ASB3: variants seen among roughly 807,000 people sequenced by gnomAD.
ASB3 encodes ankyrin repeat and SOCS box containing 3.
In ASB3, 41 loss-of-function variants were observed where a neutral mutation model predicts 54.5. The ratio of observed to expected loss-of-function variants is 0.75; its 90% CI spans 0.59 to 0.98. ASB3 has a LOEUF of 0.98. Ranked by LOEUF, ASB3 falls within the 50% of genes least tolerant of loss-of-function variation. The pLI, the probability that ASB3 is intolerant of heterozygous loss-of-function variation, is 0.00. For missense variants in ASB3, 733 were observed against 620.0 expected (o/e 1.18, Z -1.94); for synonymous variants, 266 against 221.2 (o/e 1.20, Z -1.80).
chr2:53,761,518 C>A (rs926431965), intron 2 of ASB3, among the ~76,000 whole-genome samples: 6 of 152,168 alleles, frequency 3.9e-5, no homozygotes, highest in African/African-American at 1.2e-4. Context: ...GATCCTCAGG[C>A]CTTCAAACTC....
At position 53,693,974 on chromosome 2, in the gene ASB3, C is replaced by G. The variant is rs756244744; in HGVS notation, c.1279G>C (p.Glu427Gln). 1.9e-6 allele frequency: 3 copies of G among 1,613,490 alleles called. No individual in the cohort carries two copies. The South Asian group carries it at 3.3e-5, about 18-fold the overall frequency. Residue 427 changes from glutamate (E) to glutamine (Q), a missense_variant, in exon 9 of 10, where the codon GAG (glutamate) becomes CAG (glutamine). By Grantham distance (29) the Glu-to-Gln change is conservative. Transcript: ENST00000263634. ...GCAAGTGTCTTCCAATTAGTAAACT[C>G]CAAAGTGAAGATAAGGGTGTCAATG... The part of the protein sequence containing the change: ...VSIDTLIFTL[E>Q]FTNWKTLAPA...
At chr2:53,702,065 T>A (rs1430348251) in intron 7 of ASB3, among the ~76,000 whole-genome samples, 1 of 152,200 alleles carries the variant, frequency 6.6e-6, no homozygotes, top group Non-Finnish European at 1.5e-5. Flanking sequence ...ATATAATATC[T>A]ATTAACAATC....
chr2:53,740,158 T>C (rs1317641168), intron 3 of ASB3, among the ~76,000 whole-genome samples: 1 of 152,250 alleles, frequency 6.6e-6, no homozygotes, highest in Non-Finnish European at 1.5e-5. Flanking sequence ...GAATTTTTAA[T>C]GGTATCTCTA....
intron 5 of ASB3, among the ~76,000 whole-genome samples, chr2:53,717,173 C>T (rs1211648949): frequency 6.6e-6 from 1 of 152,188 alleles, no homozygotes; most frequent in Non-Finnish European, 1.5e-5. Context: ...ATTCCAATCC[C>T]TCCTCCAACA....
chr2:53,768,726 G>A (rs1252131499), intron 1 of ASB3, among the ~76,000 whole-genome samples: 1 of 152,176 alleles, frequency 6.6e-6, no homozygotes, highest in Non-Finnish European at 1.5e-5. Flanking sequence ...AATATGAAAT[G>A]TAAGTTCATT....
chr2:53,687,394 A>G (rs946678227), intron 9 of ASB3, among the ~76,000 whole-genome samples: 13 of 152,350 alleles, frequency 8.5e-5, no homozygotes, highest in African/African-American at 3.1e-4. Flanking sequence ...TGGGAGGTTG[A>G]AAGTTTCCAG....
Position 53,727,752 on chromosome 2 carries a change from G to C in ASB3, c.604+960C>G, listed in dbSNP as rs186253614. 2.4e-3 allele frequency among the ~76,000 whole-genome samples: 361 copies of C among 152,240 alleles called. 6 individuals are homozygous for C. Among genetic ancestry groups the C allele is most frequent in the Non-Finnish European group, 5.1e-4 (35 of 68,016 alleles). ...CTTTCTTTCTTTTTTTGGAGACAGA[G>C]TCTCCCTCTGTTGCCCAGGCTGGAG... On this transcript the variant is annotated intron_variant, in intron 5 of 9. Coordinates refer to ENST00000263634, the MANE Select transcript of ASB3 (RefSeq NM_016115.5).
intron 8 of ASB3, among the ~76,000 whole-genome samples, chr2:53,696,884 G>C (rs968535400): frequency 1.3e-5 from 2 of 152,142 alleles, no homozygotes; most frequent in African/African-American, 4.8e-5. Context: ...TAAGGGACTT[G>C]AGCATCCATG....
chr2:53,755,607 G>A (rs1672770058), intron 2 of ASB3, among the ~76,000 whole-genome samples: 1 of 152,072 alleles, frequency 6.6e-6, no homozygotes, highest in Non-Finnish European at 1.5e-5. Context: ...TTTTATTTAG[G>A]TATTATAAGA....
intron 3 of ASB3, among the ~76,000 whole-genome samples, chr2:53,735,094 A>C (rs1671547061): frequency 6.6e-6 from 1 of 151,680 alleles, no homozygotes; most frequent in South Asian, 2.1e-4. Flanking sequence ...TAATTTTTGT[A>C]CTTTTAGTAG....
At chr2:53,751,082 T>G (rs1558559195) in intron 2 of ASB3, 141 bp from the exon 3 acceptor site, 2 of 1,081,814 alleles carry the variant, frequency 1.8e-6, no homozygotes, top group Non-Finnish European at 2.4e-6. Context: ...TTTAAAACTA[T>G]AGAAAATCAA....
intron 1 of ASB3, among the ~76,000 whole-genome samples, chr2:53,777,793 C>T (rs184663174): frequency 6.6e-6 from 1 of 152,074 alleles, no homozygotes; most frequent in Non-Finnish European, 1.5e-5. Context: ...TGTGTTTGTG[C>T]CTTTTTATTA....
intron 3 of ASB3, among the ~76,000 whole-genome samples, chr2:53,731,602 G>A (rs1671319101): frequency 6.6e-6 from 1 of 152,036 alleles, no homozygotes; most frequent in Non-Finnish European, 1.5e-5. Flanking sequence ...TCTAATTTGG[G>A]GTGGCTCTCA....
chr2:53,689,054 T>C (rs1418553703), intron 9 of ASB3, among the ~76,000 whole-genome samples: 1 of 152,208 alleles, frequency 6.6e-6, no homozygotes, highest in Non-Finnish European at 1.5e-5. Context: ...CAGTAAATTT[T>C]AAATATGTCA....
intron 1 of ASB3, among the ~76,000 whole-genome samples, chr2:53,770,909 T>C (rs1673857265): frequency 6.6e-6 from 1 of 152,158 alleles, no homozygotes; most frequent in Non-Finnish European, 1.5e-5. Context: ...ACCATTACCA[T>C]ATACAGAAAG....
intron 7 of ASB3, among the ~76,000 whole-genome samples, chr2:53,708,054 T>C (rs1224511669): frequency 6.6e-6 from 1 of 152,100 alleles, no homozygotes; most frequent in Admixed American, 6.6e-5. Context: ...CTGATGTGGT[T>C]TGGATCTGTG....
intron 2 of ASB3, among the ~76,000 whole-genome samples, chr2:53,758,848 G>C (rs1263188724): frequency 6.6e-6 from 1 of 152,098 alleles, no homozygotes; most frequent in East Asian, 1.9e-4. Context: ...TTCCCCACAA[G>C]GCAAAAACGC....
At chr2:53,732,829 G>A (rs1270081251) in intron 3 of ASB3, among the ~76,000 whole-genome samples, 2 of 152,188 alleles carry the variant, frequency 1.3e-5, no homozygotes, top group Non-Finnish European at 2.9e-5. Context: ...TTAGAAAAGT[G>A]TATTTAGAGC....
chr2:53,684,845 A>G (rs75123794), intron 9 of ASB3, among the ~76,000 whole-genome samples: 11,005 of 152,270 alleles, frequency 0.072, 438 homozygotes, highest in African/African-American at 0.098. Flanking sequence ...GAGAGAGGAA[A>G]TGGTTAGAAG....
Sources: allele counts gnomAD v4.1 joint callset (sites outside exome capture counted in the v4.1 genomes callset), GRCh38; gene constraint gnomAD v4.1.1; transcripts MANE v1.5; gene names NCBI Gene and HGNC (gene_info 2026-07-23, HGNC 2026-07-21).